FMR1: variants seen among roughly 807,000 people sequenced by gnomAD.
FMR1 encodes the protein fragile X messenger ribonucleoprotein 1, also known as FMRP translational regulator 1.
Under a neutral mutation model 50.6 loss-of-function variants are expected in FMR1, and 13 were observed. The observed-to-expected ratio is 0.26, with a 90% CI of 0.17 to 0.41. The LOEUF (loss-of-function observed/expected upper bound fraction) is 0.41. Ranked by LOEUF, FMR1 falls within the 10% of genes least tolerant of loss-of-function variation. FMR1 has a pLI of 1.00. For missense variants in FMR1, 316 were observed against 491.3 expected, an observed-to-expected ratio of 0.64 and a Z score of 3.37; for synonymous variants, 138 against 164.1, an observed-to-expected ratio of 0.84 and a Z score of 1.22.
intron 1 of FMR1, among the ~76,000 whole-genome samples, chrX:147,921,680 C>T (rs1028882936): frequency 3.6e-5 from 4 of 111,329 alleles, no homozygotes; most frequent in South Asian, 3.7e-4. Context: ...GTCTATTTTT[C>T]GAGATGTTGA....
intron 9 of FMR1, among the ~76,000 whole-genome samples, chrX:147,936,033 A>G (rs1229353824): frequency 1.8e-5 from 2 of 112,234 alleles, no homozygotes; most frequent in African/African-American, 6.5e-5. Flanking sequence ...AATATTTACC[A>G]TGGACAAAGA....
chrX:147,943,354 C>T, intron 14 of FMR1, 28 bp downstream of exon 14: 1 of 1,125,592 alleles, frequency 8.9e-7, no homozygotes, highest in Non-Finnish European at 1.2e-6. Flanking sequence ...TACTCAGTAA[C>T]TTTATCTGTT....
chrX:147,940,160 C>CAA (rs782591628), intron 12 of FMR1: 3,089 of 31,461 alleles, frequency 0.098, 271 homozygotes, highest in Non-Finnish European at 0.13. Context: ...GACTCCGTCT[C>CAA]AAAAAAAAAA....
In FMR1 at chrX:147,949,850, A is replaced by G. The variant is rs1557183128; in HGVS notation, c.*1006A>G. On this transcript the variant is annotated 3_prime_UTR_variant, in exon 17 of 17. Transcript: ENST00000370475. ...TTTTTCATATTTTAATTTCAAGCTT[A>G]TTTTGGAGAGATAGGAAGGTCATTT... The G allele has an allele frequency of 3.1e-6, 1 of 326,173 alleles. No individual in the cohort carries two copies. Among genetic ancestry groups the G allele is most frequent in the Non-Finnish European group, 5.9e-6 (1 of 169,092 alleles). The allele number at this position is 326,173 out of a possible 1,213,427, so 26.9% of individuals were successfully genotyped here. A position where few individuals can be genotyped will look rare whatever the true frequency, so the allele number is the denominator to read the frequency against.
intron 1 of FMR1, among the ~76,000 whole-genome samples, chrX:147,915,718 A>C (rs1273398219): frequency 2.7e-5 from 3 of 111,771 alleles, no homozygotes; most frequent in African/African-American, 9.8e-5. Flanking sequence ...AATAGTTAAC[A>C]GGGGATGAGT....
rs1258276695 is a variant in FMR1, at chrX:147,937,739, A to G, written c.1125+139A>G. The G allele has an allele frequency of 7.9e-5, 40 of 503,830 alleles. 1 individual carries two copies. In the Admixed American group the frequency reaches 9.9e-4, roughly 13 times the overall value. The allele number at this position is 503,830 out of a possible 1,213,427, so 41.5% of individuals were successfully genotyped here. On this transcript the variant is annotated intron_variant, in intron 11 of 16. Coordinates refer to ENST00000370475, the MANE Select transcript of FMR1 (RefSeq NM_002024.6). ...TTTTTCCAAATGTAATTGCCAGCTT[A>G]TGAGATACTACAAATTAGTGTGATA... is the stretch of plus-strand genomic sequence containing the variant.
chrX:147,938,328 C>G (rs1973110429), intron 12 of FMR1, among the ~76,000 whole-genome samples, 167 bp downstream of exon 12: 1 of 111,696 alleles, frequency 9.0e-6, no homozygotes, highest in Non-Finnish European at 1.9e-5. Context: ...ACCTTCATGC[C>G]GCTTGTAAGG....
chrX:147,938,116 A>T lies in FMR1; in HGVS notation c.1143A>T (p.Ser381=). The T allele has an allele frequency of 8.3e-7, 1 of 1,208,408 alleles. No homozygotes were observed. Among genetic ancestry groups the T allele is most frequent in the East Asian group, 3.0e-5 (1 of 33,827 alleles). The part of the protein sequence containing the change: ...TKVQRVLVAS[S]VVAGESQKPE... Reference sequence around the variant, plus strand: ...TGCTTTAGGTGTTAGTGGCTTCATCAGTTGTAGCAGGGGAATCCCAGAAAC... The same window carrying T: ...TGCTTTAGGTGTTAGTGGCTTCATCTGTTGTAGCAGGGGAATCCCAGAAAC... The change falls in exon 12 of 17, where the codon TCA becomes TCT. Residue 381 remains serine (S), a synonymous_variant. Transcript: ENST00000370475.
At chrX:147,914,540 C>A (rs2042752364) in intron 1 of FMR1, 1 of 112,032 alleles carries the variant, frequency 8.9e-6, no homozygotes, top group Non-Finnish European at 1.9e-5. Context: ...CTAAACAAAT[C>A]AAACAACTTG....
rs782194402 is a variant in FMR1 at position 147,950,137 on chromosome X, A to G, written c.*1293A>G. On this transcript the variant is annotated 3_prime_UTR_variant, in exon 17 of 17. Coordinates refer to ENST00000370475, the MANE Select transcript of FMR1 (RefSeq NM_002024.6). ...AAAATATGTGAAGGACCTTCACTCT[A>G]AGATGTTATATTTTTCTTAAAAAGT... The G allele has an allele frequency of 1.2e-5, 4 of 327,268 alleles. No homozygotes were observed. The highest frequency in any genetic ancestry group is 7.9e-5 in the South Asian group (3 of 37,894). 27.0% of individuals were successfully genotyped at this position (327,268 alleles called of 1,213,427 possible).
chrX:147,932,082 G>C (rs2043627253), intron 7 of FMR1, among the ~76,000 whole-genome samples: 1 of 111,547 alleles, frequency 9.0e-6, no homozygotes, highest in Non-Finnish European at 1.9e-5. Context: ...CGAGTGAGCT[G>C]GTTTTTACTG....
chrX:147,933,156 AGTAT>A (rs2043667496), intron 9 of FMR1, among the ~76,000 whole-genome samples: 1 of 107,113 alleles, frequency 9.3e-6, no homozygotes, highest in Non-Finnish European at 1.9e-5. Context: ...ATATTTGTTA[AGTAT>A]GATGCTCAAA....
At chrX:147,927,352 A>G (rs1421626376) in intron 3 of FMR1, among the ~76,000 whole-genome samples, 1 of 111,843 alleles carries the variant, frequency 8.9e-6, no homozygotes, top group Non-Finnish European at 1.9e-5. Flanking sequence ...CGTTGAGGTA[A>G]TTTCTCTGGC....
chrX:147,915,702 TATA>T (rs1323039968), intron 1 of FMR1, among the ~76,000 whole-genome samples: 3 of 111,825 alleles, frequency 2.7e-5, no homozygotes, highest in African/African-American at 6.5e-5. Context: ...GGATCGTGAT[TATA>T]ATAATAGTTA....
intron 16 of FMR1, chrX:147,948,340 A>G (rs2044246495): frequency 2.1e-6 from 1 of 477,396 alleles, no homozygotes; most frequent in Admixed American, 6.7e-5. Context: ...TGTTAGAGGC[A>G]TGTATGTCTT....
chrX:147,947,189 T>A (rs2044197008), intron 16 of FMR1: 1 of 109,408 alleles, frequency 9.1e-6, no homozygotes, highest in South Asian at 3.9e-4. Context: ...GGTGGTCAGA[T>A]CACCTGAGGT....
At chrX:147,920,234 G>C (rs1164862844) in intron 1 of FMR1, among the ~76,000 whole-genome samples, 1 of 111,460 alleles carries the variant, frequency 9.0e-6, no homozygotes, top group African/African-American at 3.3e-5. Context: ...TTTTGCATGT[G>C]GGTGTCCACT....
intron 1 of FMR1, among the ~76,000 whole-genome samples, chrX:147,919,205 A>G: frequency 9.0e-6 from 1 of 111,727 alleles, no homozygotes; most frequent in Non-Finnish European, 1.9e-5. Context: ...TTAATAATCT[A>G]ATAGCACCCC....
chrX:147,932,436 G>T lies in FMR1; in HGVS notation c.642G>T (p.Gln214His). Residue 214 changes from glutamine (Q) to histidine (H), a missense_variant, in exon 8 of 17, where the codon CAG becomes CAT. Transcript: ENST00000370475. ...CCATTTCTCTTCAGAGTTCAAGGCA[G>T]CTTGCCTCGAGATTTCATGAACAGT... is the stretch of plus-strand genomic sequence containing the variant. ...EASKQLESSR[Q>H]LASRFHEQFI... 1 of 1,209,494 alleles carries T rather than the reference G, an allele frequency of 8.3e-7. No homozygotes were observed. Among genetic ancestry groups the T allele is most frequent in the Non-Finnish European group, 1.1e-6 (1 of 893,626 alleles).
Sources: allele counts gnomAD v4.1 joint callset (sites outside exome capture counted in the v4.1 genomes callset), GRCh38; gene constraint gnomAD v4.1.1; transcripts MANE v1.5; gene names NCBI Gene and HGNC (gene_info 2026-07-23, HGNC 2026-07-21).